Variants in PRRC2C observed in about 807,000 individuals in gnomAD.
PRRC2C encodes the protein proline rich coiled-coil 2C.
A neutral mutation model predicts 317.2 loss-of-function variants in PRRC2C; 72 were observed. The observed-to-expected ratio is 0.23, with a 90% CI of 0.19 to 0.28. The LOEUF is 0.28. Among genes scored for constraint, PRRC2C ranks in the 10% least tolerant of loss-of-function variants. PRRC2C has a pLI of 1.00. For synonymous variants in PRRC2C, 1,296 were observed against 1,205.9 expected (o/e 1.07, Z -1.55); for missense variants, 3,074 against 3,459.7 (o/e 0.89, Z 2.80).
intron 1 of PRRC2C, among the ~76,000 whole-genome samples, chr1:171,488,915 A>G (rs1208494495): frequency 6.6e-6 from 1 of 152,120 alleles, no homozygotes; most frequent in African/African-American, 2.4e-5. Flanking sequence ...GGAAGATGGA[A>G]TATCATTTGA....
rs1230965860 is a variant in PRRC2C at position 171,541,478 on chromosome 1, A to G, written c.4012A>G (p.Lys1338Glu). Reference sequence around the variant, plus strand: ...TAAAGCTAAACCAGGCTTTCTTCCTAAAGGAGAGCCTACAAGGAGAGGCAG... The same window carrying G: ...TAAAGCTAAACCAGGCTTTCTTCCTGAAGGAGAGCCTACAAGGAGAGGCAG... ...DDKAKPGFLP[K>E]GEPTRRGRGG... is the part of the protein sequence containing the mutation. The change falls in exon 16 of 35, where the codon AAA (lysine) becomes GAA (glutamate). Residue 1338 changes from lysine to glutamate, a missense_variant. By Grantham distance (56) the Lys-to-Glu change is moderately conservative. Transcript: ENST00000647382. This position sits in a 1 kb window ranked among gnomAD's most constrained non-coding sequence, Gnocchi z 4.1. 1.2e-6 allele frequency: 2 copies of G among 1,613,596 alleles called. No individual in the cohort carries two copies. Among genetic ancestry groups the G allele is most frequent in the East Asian group, 2.2e-5 (1 of 44,882 alleles).
At chr1:171,530,160 T>C (rs1456713575) in intron 11 of PRRC2C, among the ~76,000 whole-genome samples, 3 of 151,656 alleles carry the variant, frequency 2.0e-5, no homozygotes, top group Admixed American at 1.3e-4. Flanking sequence ...AGTTGGACTT[T>C]GGAGAACATT....
chr1:171,501,665 T>A (rs1347642011), intron 1 of PRRC2C, among the ~76,000 whole-genome samples: 1 of 152,176 alleles, frequency 6.6e-6, no homozygotes, highest in Admixed American at 6.5e-5. Context: ...AGTACTAACA[T>A]TGTAAAAGTA....
chr1:171,535,653 T>C (rs1676684519), intron 13 of PRRC2C, 56 bp downstream of exon 13: 1 of 1,537,106 alleles, frequency 6.5e-7, no homozygotes, highest in South Asian at 1.2e-5. Context: ...TATTATGCAG[T>C]AGTCTGGGAA....
At position 171,542,191 on chromosome 1, in the gene PRRC2C, AAGG is replaced by A. The variant is rs767056990; in HGVS notation, c.4728_4730del (p.Arg1577del). ...GGAATTTCTCAGGTCCTAGAAATGA[AAGG>A]AGAAGTGGCCCACCATCAAAAAGTG... On this transcript the variant is annotated inframe_deletion, in exon 16 of 35. Coordinates refer to ENST00000647382, the MANE Select transcript of PRRC2C (RefSeq NM_001387844.1). 2.0e-5 allele frequency: 31 copies of A among 1,585,492 alleles called. No homozygotes were observed. Among genetic ancestry groups the A allele is most frequent in the Non-Finnish European group, 2.4e-5 (28 of 1,168,234 alleles).
rs566357701 is a variant in PRRC2C, at chr1:171,586,271, A to G, written c.7750-732A>G. On this transcript the variant is annotated intron_variant, in intron 30 of 34. Coordinates refer to ENST00000647382, the MANE Select transcript of PRRC2C (RefSeq NM_001387844.1). ...TATTTATTTATTTATTTTTTTTTTTAGTAGAGACGGAGTTTCCCCATGTTG... is the reference window on the plus strand; with the variant it reads ...TATTTATTTATTTATTTTTTTTTTTGGTAGAGACGGAGTTTCCCCATGTTG... 2.7e-5 allele frequency among the ~76,000 whole-genome samples: 4 copies of G among 149,564 alleles called. No homozygotes were observed. The Middle Eastern group carries it at 0.014, about 512-fold the overall frequency.
chr1:171,535,623 T>G, intron 13 of PRRC2C, 26 bp downstream of exon 13: 1 of 1,606,562 alleles, frequency 6.2e-7, no homozygotes, highest in South Asian at 1.1e-5. Flanking sequence ...TTTTATCATG[T>G]ATGTGTGATT....
intron 23 of PRRC2C, 21 bp downstream of exon 23, chr1:171,568,360 G>A: frequency 2.5e-6 from 4 of 1,579,480 alleles, no homozygotes; most frequent in Non-Finnish European, 2.6e-6. Context: ...AGTTTGAGAT[G>A]TGGCAAGTTT....
intron 5 of PRRC2C, among the ~76,000 whole-genome samples, chr1:171,516,544 G>T (rs1356289365): frequency 2.6e-5 from 4 of 152,192 alleles, no homozygotes; most frequent in African/African-American, 9.6e-5. Flanking sequence ...TGGTGCATTT[G>T]TATTAGAAAT....
Position 171,542,138 on chromosome 1 carries a change from G to A in PRRC2C, c.4672G>A (p.Gly1558Ser). The A allele has an allele frequency of 6.2e-7, 1 of 1,612,306 alleles. No individual in the cohort carries two copies. The highest frequency in any genetic ancestry group is 1.1e-5 in the South Asian group (1 of 90,670). The change falls in exon 16 of 35, where the codon GGC becomes AGC. Residue 1558 changes from glycine (G) to serine (S), a missense_variant. By Grantham distance (56) the Gly-to-Ser change is moderately conservative. Coordinates refer to ENST00000647382, the MANE Select transcript of PRRC2C (RefSeq NM_001387844.1). ...ACCAGTAGATCGTCAGAATCGACGTGGCAACAATGGTCCACCCAAATCAGG... is the reference window on the plus strand; with the variant it reads ...ACCAGTAGATCGTCAGAATCGACGTAGCAACAATGGTCCACCCAAATCAGG... Reference protein sequence around the residue: ...QRPVDRQNRRGNNGPPKSGRN... With the variant: ...QRPVDRQNRRSNNGPPKSGRN...
At chr1:171,493,808 A>G (rs1242988129) in intron 1 of PRRC2C, among the ~76,000 whole-genome samples, 1 of 152,238 alleles carries the variant, frequency 6.6e-6, no homozygotes. Flanking sequence ...TGTCTCAAAA[A>G]AAAAGAGAAG....
At chr1:171,566,153 C>A in intron 20 of PRRC2C, 80 bp from the exon 21 acceptor site, 1 of 1,169,904 alleles carries the variant, frequency 8.5e-7, no homozygotes, top group Non-Finnish European at 1.2e-6. Flanking sequence ...TTCTATTGTA[C>A]TTAAACTGTA....
Position 171,550,148 on chromosome 1 carries a change from AATG to A in PRRC2C, c.5042_5044del (p.Asp1681del). 6.2e-7 allele frequency: 1 copy of A among 1,608,666 alleles called. No homozygotes were observed. Among genetic ancestry groups the A allele is most frequent in the East Asian group, 2.2e-5 (1 of 44,744 alleles). ...AATTGAAGATCCCCAGTCAAATTTGAATGATGATGGTTTTACTGAAGTGGTATC... is the reference window on the plus strand; with the variant it reads ...AATTGAAGATCCCCAGTCAAATTTGAATGATGGTTTTACTGAAGTGGTATC... On this transcript the variant is annotated inframe_deletion, in exon 18 of 35. Transcript: ENST00000647382.
intron 19 of PRRC2C, among the ~76,000 whole-genome samples, chr1:171,560,031 A>C (rs1366848754): frequency 6.6e-6 from 1 of 152,184 alleles, no homozygotes; most frequent in Non-Finnish European, 1.5e-5. Flanking sequence ...TTTGACTTTC[A>C]AGACTTGTTA....
At chr1:171,533,029 G>C (rs1571840183) in intron 12 of PRRC2C, 68 bp downstream of exon 12, 1 of 1,401,474 alleles carries the variant, frequency 7.1e-7, no homozygotes. Context: ...ACAGTTTGGG[G>C]TTTGTATATT....
At chr1:171,573,250 G>T (rs564946838) in intron 24 of PRRC2C, among the ~76,000 whole-genome samples, 1 of 152,078 alleles carries the variant, frequency 6.6e-6, no homozygotes, top group Admixed American at 6.5e-5. Flanking sequence ...CTGAATTTCC[G>T]AAAATAAAAA....
chr1:171,535,986 A>C (rs1199377987), intron 13 of PRRC2C, 43 bp from the exon 14 acceptor site: 1 of 1,546,968 alleles, frequency 6.5e-7, no homozygotes, highest in Admixed American at 2.0e-5. Context: ...TTAATTTGTC[A>C]TGTGGAACTA....
At chr1:171,524,081 CT>C (rs1364029592) in intron 9 of PRRC2C, among the ~76,000 whole-genome samples, 1 of 151,694 alleles carries the variant, frequency 6.6e-6, no homozygotes, top group Non-Finnish European at 1.5e-5. Flanking sequence ...GTTTGGAGAT[CT>C]TTTGAGAACT....
intron 18 of PRRC2C, among the ~76,000 whole-genome samples, chr1:171,554,052 A>G (rs1557988746): frequency 3.9e-5 from 6 of 152,166 alleles, no homozygotes. Context: ...GATCTGTCTA[A>G]TATTGACAAT....
Sources: allele counts gnomAD v4.1 joint callset (sites outside exome capture counted in the v4.1 genomes callset), GRCh38; gene constraint gnomAD v4.1.1; non-coding constraint Gnocchi (gnomAD v3.1); transcripts MANE v1.5; gene names NCBI Gene and HGNC (gene_info 2026-07-23, HGNC 2026-07-21).